ASL: variants seen among roughly 807,000 people sequenced by gnomAD.
ASL encodes argininosuccinate lyase, also known as argininosuccinase.
ASL carries 51 observed loss-of-function variants against 69.1 expected under a neutral mutation model. The observed-to-expected ratio is 0.74, with a 90% CI of 0.59 to 0.93. ASL has a LOEUF of 0.93. ASL is among the 40% of genes least tolerant of loss of function. ASL has a pLI of 0.00. For missense variants in ASL, 540 were observed against 623.9 expected (o/e 0.87, Z 1.43); for synonymous variants, 241 against 247.6 (o/e 0.97, Z 0.25).
intron 2 of ASL, among the ~76,000 whole-genome samples, chr7:66,080,883 T>A (rs946413847): frequency 6.6e-6 from 1 of 152,134 alleles, no homozygotes; most frequent in African/African-American, 2.4e-5. Flanking sequence ...GGGATCTTAG[T>A]CCAGCTCCAA....
At chr7:66,090,857 C>T (rs1002733216) in intron 14 of ASL, among the ~76,000 whole-genome samples, 8 of 151,946 alleles carry the variant, frequency 5.3e-5, no homozygotes, top group African/African-American at 1.9e-4. Flanking sequence ...CATCAATTTG[C>T]GAGACTAAGG....
chr7:66,089,081 C>T lies in ASL; in HGVS notation c.834-10C>T. ...TCCAGCCCCTTCAGCGCCAGCACCTCTGTCCCCAGCACGGGAAGCAGCCTG... is the reference window on the plus strand; with the variant it reads ...TCCAGCCCCTTCAGCGCCAGCACCTTTGTCCCCAGCACGGGAAGCAGCCTG... On this transcript the variant is annotated splice_polypyrimidine_tract_variant and intron_variant, in intron 11 of 16. Coordinates refer to ENST00000304874, the MANE Select transcript of ASL (RefSeq NM_000048.4). The T allele has an allele frequency of 6.2e-7, 1 of 1,613,862 alleles. No homozygotes were observed. Among genetic ancestry groups the T allele is most frequent in the Non-Finnish European group, 8.5e-7 (1 of 1,179,936 alleles).
intron 14 of ASL, 187 bp from the exon 15 acceptor site, chr7:66,091,819 C>G (rs2115758867): frequency 6.1e-6 from 4 of 659,190 alleles, no homozygotes; most frequent in South Asian, 5.0e-5. Context: ...AGTAAGTGTT[C>G]ATAGCACATG....
intron 8 of ASL, chr7:66,087,049 CCCTCAGCCTGA>C (rs1199308119): frequency 6.1e-6 from 4 of 655,378 alleles, no homozygotes; most frequent in African/African-American, 5.4e-5. Context: ...CAGCCTGCTG[CCCTCAGCCTGA>C]CATGTGGGAA....
Position 66,087,780 on chromosome 7 carries a change from G to A in ASL, c.707G>A (p.Arg236Gln), listed in dbSNP as rs764602422. ...TLNSMDATSE[R>Q]DFVAEFLFWA... ...AACAGCATGGATGCCACTAGTGAGC[G>A]GGACTTTGTGGGTGAGTCCTGGGGA... is the stretch of plus-strand genomic sequence containing the variant. The change falls in exon 10 of 17, where the codon CGG becomes CAG. Residue 236 changes from arginine (R) to glutamine (Q), a missense_variant. Coordinates refer to ENST00000304874, the MANE Select transcript of ASL (RefSeq NM_000048.4). The A allele has an allele frequency of 1.1e-5, 18 of 1,614,118 alleles. No individual in the cohort carries two copies. Among genetic ancestry groups the A allele is most frequent in the South Asian group, 3.3e-5 (3 of 91,082 alleles).
rs143434632 is a variant in ASL, at chr7:66,082,630, G to T, written c.291+179G>T. 5.9e-3 allele frequency among the ~76,000 whole-genome samples: 896 copies of T among 152,164 alleles called. 12 individuals carry two copies. Among genetic ancestry groups the T allele is most frequent in the African/African-American group, 0.02 (838 of 41,514 alleles). On this transcript the variant is annotated intron_variant, in intron 4 of 16. Transcript: ENST00000304874. ...AATCCTAGCACTTTGGGAGGCTGAG[G>T]TGGGAGGATTGCTTGAGACCAGGAG... is the stretch of plus-strand genomic sequence containing the variant.
chr7:66,087,533 C>A, intron 9 of ASL, 147 bp downstream of exon 9: 2 of 1,119,774 alleles, frequency 1.8e-6, no homozygotes, highest in South Asian at 1.3e-5. Context: ...TCATCAAGTT[C>A]AGGGGTCACT....
intron 4 of ASL, 142 bp downstream of exon 4, chr7:66,082,593 G>T: frequency 9.6e-7 from 1 of 1,045,134 alleles, no homozygotes; most frequent in South Asian, 1.4e-5. Flanking sequence ...AGGCACCCTG[G>T]CTCATGCCTA....
chr7:66,086,855 G>T (rs752551083), intron 8 of ASL, 34 bp downstream of exon 8: 4 of 1,549,916 alleles, frequency 2.6e-6, no homozygotes, highest in Non-Finnish European at 3.5e-6. Flanking sequence ...AGGGCCTGGT[G>T]GGGGTGGCTG....
In ASL at chr7:66,093,005, C is replaced by T. The variant is rs1362861443; in HGVS notation, c.*93C>T. On this transcript the variant is annotated 3_prime_UTR_variant, in exon 17 of 17. Coordinates refer to ENST00000304874, the MANE Select transcript of ASL (RefSeq NM_000048.4). ...CCTGGCTCCCTCGTTGCTGGGCTTT[C>T]GGGGCTGGCCAGTGGGGACAGTCAG... The T allele has an allele frequency of 6.5e-6, 10 of 1,530,254 alleles. No homozygotes were observed. Among genetic ancestry groups the T allele is most frequent in the South Asian group, 4.8e-5 (4 of 84,178 alleles). 94.8% of individuals were successfully genotyped at this position (1,530,254 alleles called of 1,614,324 possible).
intron 2 of ASL, among the ~76,000 whole-genome samples, chr7:66,078,096 G>C (rs1226399689): frequency 1.3e-5 from 2 of 152,220 alleles, no homozygotes; most frequent in African/African-American, 4.8e-5. Context: ...TAATTGGTTT[G>C]GCTGCAGCTC....
intron 6 of ASL, among the ~76,000 whole-genome samples, chr7:66,084,921 G>A (rs971546101): frequency 6.6e-6 from 1 of 151,868 alleles, no homozygotes; most frequent in African/African-American, 2.4e-5. Context: ...GCCCAGCCGC[G>A]AATTCTTTAA....
chr7:66,091,920 G>A lies in ASL; in HGVS notation c.1063-86G>A, dbSNP rs1359754537. On this transcript the variant is annotated intron_variant, in intron 14 of 16. Coordinates refer to ENST00000304874, the MANE Select transcript of ASL (RefSeq NM_000048.4). ...GAGAGTATCTGCCCAAGGCAGGGAT[G>A]TCCTGGCAGAGGGGCAGGTCCTGGG... 19 of 1,395,822 alleles carry A rather than the reference G, an allele frequency of 1.4e-5. No homozygotes were observed. The Admixed American group carries it at 3.2e-4, about 23-fold the overall frequency. 86.5% of individuals were successfully genotyped at this position (1,395,822 alleles called of 1,614,324 possible).
chr7:66,092,218 G>A (rs891837392), intron 15 of ASL, 132 bp downstream of exon 15: 13 of 1,079,352 alleles, frequency 1.2e-5, no homozygotes, highest in South Asian at 8.1e-5. Flanking sequence ...TTGGGAAGCC[G>A]AGGTGGGCGG....
intron 2 of ASL, among the ~76,000 whole-genome samples, chr7:66,078,659 G>A (rs1786416041): frequency 6.6e-6 from 1 of 151,870 alleles, no homozygotes; most frequent in Admixed American, 6.6e-5. Context: ...TTTTAAGAAG[G>A]AGTCTTGCTC....
At position 66,089,824 on chromosome 7, in the gene ASL, C is replaced by T. The variant is rs537018855; in HGVS notation, c.1062+129C>T. 1.6e-5 allele frequency: 16 copies of T among 973,246 alleles called. No individual in the cohort carries two copies. In the East Asian group the frequency reaches 2.3e-4, roughly 14 times the overall value. The allele number at this position is 973,246 out of a possible 1,614,324, so 60.3% of individuals were successfully genotyped here. ...TGGGGCAGGGAAGGAGAGGTGTGCT[C>T]GCTCCTGCTCCTGGGGAACAGGGAA... On this transcript the variant is annotated intron_variant, in intron 14 of 16. Coordinates refer to ENST00000304874, the MANE Select transcript of ASL (RefSeq NM_000048.4).
intron 6 of ASL, 122 bp downstream of exon 6, chr7:66,083,296 GAA>G: frequency 1.9e-6 from 2 of 1,072,206 alleles, no homozygotes; most frequent in Non-Finnish European, 2.7e-6. Context: ...GGGCATCCCA[GAA>G]CTCCAGGATC....
chr7:66,086,775 C>CGGCTGCTGGAGGTGCG lies in ASL; in HGVS notation c.558_573dup (p.Lys192AlafsTer48). 6.3e-7 allele frequency: 1 copy of CGGCTGCTGGAGGTGCG among 1,599,350 alleles called. No individual in the cohort carries two copies. The highest frequency in any genetic ancestry group is 1.1e-5 in the South Asian group (1 of 89,362). On this transcript the variant is annotated frameshift_variant, in exon 8 of 17. Coordinates refer to ENST00000304874, the MANE Select transcript of ASL (RefSeq NM_000048.4). LOFTEE classifies it high-confidence loss of function. ...CGTGGCACTGACCCGAGACTCTGAG[C>CGGCTGCTGGAGGTGCG]GGCTGCTGGAGGTGCGGAAGCGGAT...
intron 13 of ASL, 37 bp from the exon 14 acceptor site, chr7:66,089,575 G>A (rs1422866334): frequency 5.0e-6 from 8 of 1,609,316 alleles, no homozygotes; most frequent in Admixed American, 1.7e-5. Context: ...GTGCCAGGGG[G>A]CTGCTAGGCC....
Sources: gnomAD v4.1 joint callset for allele counts (sites outside exome capture counted in the v4.1 genomes callset) on GRCh38, gnomAD v4.1.1 for gene constraint, MANE v1.5 for transcripts, NCBI Gene and HGNC (gene_info 2026-07-23, HGNC 2026-07-21) for gene names.